UNC80: variants seen among roughly 807,000 people sequenced by gnomAD.
UNC80 encodes the protein protein unc-80 homolog.
UNC80 carries 164 observed loss-of-function variants against 384.6 expected under a neutral mutation model. The ratio of observed to expected loss-of-function variants is 0.43; its 90% CI spans 0.38 to 0.49. The LOEUF (loss-of-function observed/expected upper bound fraction) is 0.49. Among genes scored for constraint, UNC80 ranks in the 20% least tolerant of loss-of-function variants. The pLI is 0.00. For missense variants in UNC80, 3,330 were observed against 4,143.0 expected, an observed-to-expected ratio of 0.80 and a Z score of 5.39; for synonymous variants, 1,486 against 1,527.8, an observed-to-expected ratio of 0.97 and a Z score of 0.64.
At position 209,919,223 on chromosome 2, in the gene UNC80, GA is replaced by G. The variant is rs531287424; in HGVS notation, c.5343+567del. On this transcript the variant is annotated intron_variant, in intron 33 of 64. Transcript: ENST00000673920. ...CAAAAAACAAGAATATGCACCTTTTGAAAAAAATTCATCTTCAGAATATGCC... is the reference window on the plus strand; with the variant it reads ...CAAAAAACAAGAATATGCACCTTTTGAAAAAATTCATCTTCAGAATATGCC... Among the ~76,000 whole-genome samples, 214 of 152,070 alleles carry G rather than the reference GA, an allele frequency of 1.4e-3. 2 individuals are homozygous for G. The highest frequency in any genetic ancestry group is 4.9e-3 in the African/African-American group (202 of 41,516).
At chr2:209,862,268 C>T (rs2083396216) in intron 22 of UNC80, among the ~76,000 whole-genome samples, 1 of 151,088 alleles carries the variant, frequency 6.6e-6, no homozygotes, top group Admixed American at 6.6e-5. Flanking sequence ...TAACTTCTTG[C>T]TATGTGGTGC....
At chr2:209,989,107 G>C (rs1245002533) in intron 61 of UNC80, among the ~76,000 whole-genome samples, 1 of 149,644 alleles carries the variant, frequency 6.7e-6, no homozygotes, top group Non-Finnish European at 1.5e-5. Flanking sequence ...GAGGCCAGGA[G>C]TTTGAGACCA....
intron 22 of UNC80, among the ~76,000 whole-genome samples, chr2:209,855,965 G>T (rs1300939484): frequency 1.3e-5 from 2 of 151,424 alleles, no homozygotes; most frequent in South Asian, 4.2e-4. Flanking sequence ...TTTCTGTATG[G>T]GTCTCTATTC....
chr2:209,808,633 A>G (rs1379947026), intron 7 of UNC80, among the ~76,000 whole-genome samples: 2 of 152,078 alleles, frequency 1.3e-5, no homozygotes, highest in Non-Finnish European at 2.9e-5. Context: ...CACGCCTCCA[A>G]TTGGCGCGAA....
chr2:209,955,738 T>TAC (rs1156428874), intron 48 of UNC80, among the ~76,000 whole-genome samples: 1,724 of 53,090 alleles, frequency 0.032, 169 homozygotes, highest in East Asian at 0.1. Context: ...TATATATATA[T>TAC]ACACACACAC....
chr2:209,936,848 G>A lies in UNC80; in HGVS notation c.6278G>A (p.Cys2093Tyr). 1.3e-6 allele frequency: 2 copies of A among 1,545,340 alleles called. No individual in the cohort carries two copies. The highest frequency in any genetic ancestry group is 1.8e-6 in the Non-Finnish European group (2 of 1,141,310). ...DTQFEALLKE[C>Y]LEFFNIPESQ... is the part of the protein sequence containing the mutation. ...AATTTGTTGCTATTGTTCTAGGAGTGTCTGGAGTTTTTTAATATCCCAGAA... is the reference window on the plus strand; with the variant it reads ...AATTTGTTGCTATTGTTCTAGGAGTATCTGGAGTTTTTTAATATCCCAGAA... Residue 2093 changes from cysteine to tyrosine, a missense_variant, in exon 41 of 65, where the codon TGT becomes TAT. Coordinates refer to ENST00000673920, the MANE Select transcript of UNC80 (RefSeq NM_001371986.1).
At chr2:209,977,150 C>T (rs1473063877) in intron 58 of UNC80, 72 bp downstream of exon 58, 2 of 1,343,952 alleles carry the variant, frequency 1.5e-6, no homozygotes, top group Admixed American at 2.5e-5. Context: ...ATCCCTCTGT[C>T]CAGGTCACCA....
chr2:209,981,509 CG>C (rs1559435974), intron 59 of UNC80, among the ~76,000 whole-genome samples: 1 of 152,100 alleles, frequency 6.6e-6, no homozygotes, highest in East Asian at 1.9e-4. Flanking sequence ...ACCTGGGAGG[CG>C]GAGGTTCAGT....
At position 209,784,890 on chromosome 2, in the gene UNC80, A is replaced by C. The variant is rs556184576; in HGVS notation, c.601-1176A>C. On this transcript the variant is annotated intron_variant, in intron 4 of 64. Coordinates refer to ENST00000673920, the MANE Select transcript of UNC80 (RefSeq NM_001371986.1). Reference sequence around the variant, plus strand: ...ATTCTAAAGACTTTCCCATTGTGGGAACCATGTGGCTCTGTTGCCAAGTGG... The same window carrying C: ...ATTCTAAAGACTTTCCCATTGTGGGCACCATGTGGCTCTGTTGCCAAGTGG... Among the ~76,000 whole-genome samples, 15 of 152,318 alleles carry C rather than the reference A, an allele frequency of 9.8e-5. No homozygotes were observed. The South Asian group carries it at 3.1e-3, about 32-fold the overall frequency.
rs375661039 is a variant in UNC80, at chr2:209,934,587, G to A, written c.6178+582G>A. 2.1e-3 allele frequency among the ~76,000 whole-genome samples: 324 copies of A among 152,302 alleles called. 2 individuals are homozygous for A. The highest frequency in any genetic ancestry group is 7.5e-3 in the African/African-American group (310 of 41,572). On this transcript the variant is annotated intron_variant, in intron 39 of 64. Coordinates refer to ENST00000673920, the MANE Select transcript of UNC80 (RefSeq NM_001371986.1). ...TTGAGATGATACATGTATTGAAATA[G>A]AAGTGAAAGACAGAATTATGTAGAG...
intron 55 of UNC80, among the ~76,000 whole-genome samples, chr2:209,972,705 T>G (rs535584933): frequency 3.9e-5 from 6 of 152,342 alleles, no homozygotes; most frequent in African/African-American, 1.2e-4. Context: ...GTCATTAAAT[T>G]CCAATGTATT....
chr2:209,819,304 A>C, intron 12 of UNC80, 43 bp downstream of exon 12: 1 of 1,503,324 alleles, frequency 6.7e-7, no homozygotes, highest in Non-Finnish European at 8.9e-7. Flanking sequence ...GACAGATATT[A>C]ATTATTTGGT....
chr2:209,998,730 C>A lies in UNC80; in HGVS notation c.*3135C>A, dbSNP rs1163383398. On this transcript the variant is annotated 3_prime_UTR_variant, in exon 65 of 65. Transcript: ENST00000673920. ...ACAGTCTGAAACATGAATTAAATAT[C>A]CTTCCTCAAGTTATAAAGGATACTT... 6.6e-6 allele frequency: 1 copy of A among 152,174 alleles called. No individual in the cohort carries two copies. Among genetic ancestry groups the A allele is most frequent in the Non-Finnish European group, 1.5e-5 (1 of 68,048 alleles). The allele number at this position is 152,174 out of a possible 1,614,324, so 9.4% of individuals were successfully genotyped here.
intron 25 of UNC80, among the ~76,000 whole-genome samples, chr2:209,883,403 T>G (rs1001551232): frequency 6.7e-6 from 1 of 149,082 alleles, no homozygotes; most frequent in Admixed American, 6.7e-5. Flanking sequence ...TCCCACCAAG[T>G]CCCTGGCAAC....
intron 64 of UNC80, 133 bp downstream of exon 64, chr2:209,994,397 C>A: frequency 1.3e-6 from 1 of 742,556 alleles, no homozygotes; most frequent in South Asian, 2.6e-5. Context: ...AGATACTGCT[C>A]CTGCCATCAT....
chr2:209,997,196 C>T lies in UNC80; in HGVS notation c.*1601C>T, dbSNP rs1416488473. On this transcript the variant is annotated 3_prime_UTR_variant, in exon 65 of 65. Transcript: ENST00000673920. Reference sequence around the variant, plus strand: ...GAAAGATATCCATGAGTTAAAAGAACAAAACTAAAAATTTCAGATCTAACA... The same window carrying T: ...GAAAGATATCCATGAGTTAAAAGAATAAAACTAAAAATTTCAGATCTAACA... 6.6e-6 allele frequency: 1 copy of T among 152,044 alleles called. No individual in the cohort carries two copies. The highest frequency in any genetic ancestry group is 2.4e-5 in the African/African-American group (1 of 41,408). The allele number at this position is 152,044 out of a possible 1,614,324, so 9.4% of individuals were successfully genotyped here.
intron 29 of UNC80, among the ~76,000 whole-genome samples, chr2:209,905,258 C>T (rs2088045288): frequency 6.6e-6 from 1 of 152,118 alleles, no homozygotes; most frequent in South Asian, 2.1e-4. Flanking sequence ...ATGCCTCTCC[C>T]ACAAAGACAT....
intron 29 of UNC80, among the ~76,000 whole-genome samples, chr2:209,906,137 G>A (rs188064607): frequency 2.0e-5 from 3 of 152,126 alleles, no homozygotes; most frequent in East Asian, 1.9e-4. Context: ...GCCTGGGGAG[G>A]GGGTAAGAGA....
chr2:209,902,002 T>A (rs1174424413), intron 28 of UNC80, among the ~76,000 whole-genome samples: 3 of 152,040 alleles, frequency 2.0e-5, no homozygotes, highest in Admixed American at 2.0e-4. Flanking sequence ...CTGTGATGGA[T>A]CTTGGCAAAG....
Sources: allele counts gnomAD v4.1 joint callset (sites outside exome capture counted in the v4.1 genomes callset), GRCh38; gene constraint gnomAD v4.1.1; transcripts MANE v1.5; gene names NCBI Gene and HGNC (gene_info 2026-07-23, HGNC 2026-07-21).